The following ANK3 variants were observed in gnomAD, a reference collection of about 807,000 sequenced individuals.
ANK3 encodes the protein ankyrin-3.
ANK3 carries 57 observed loss-of-function variants against 370.9 expected under a neutral mutation model. The observed-to-expected ratio is 0.15, with a 90% CI of 0.12 to 0.19. The LOEUF (loss-of-function observed/expected upper bound fraction) is 0.19. Among genes scored for constraint, ANK3 ranks in the 10% least tolerant of loss-of-function variants. The probability of loss-of-function intolerance (pLI) is 1.00; values close to 1 mark genes in which losing one functional copy is unlikely to be tolerated. For missense variants in ANK3, 4,439 were observed against 5,302.1 expected (o/e 0.84, Z 5.06); for synonymous variants, 1,929 against 1,946.3 (o/e 0.99, Z 0.23).
chr10:60,579,245 A>C (rs2077718586), intron 2 of ANK3, among the ~76,000 whole-genome samples: 1 of 149,984 alleles, frequency 6.7e-6, no homozygotes, highest in Admixed American at 6.7e-5. Flanking sequence ...GAATCGCTTG[A>C]ACCTGGGAGG....
chr10:60,425,774 G>C (rs1230943057), intron 2 of ANK3, among the ~76,000 whole-genome samples: 2 of 152,120 alleles, frequency 1.3e-5, no homozygotes, highest in Admixed American at 6.6e-5. Context: ...TAAAGGACTG[G>C]GTCTTGGGCT....
chr10:60,715,529 A>C (rs546550249), intron 1 of ANK3, among the ~76,000 whole-genome samples: 6 of 152,298 alleles, frequency 3.9e-5, no homozygotes, highest in African/African-American at 1.4e-4. Flanking sequence ...GGTGGGGAGA[A>C]TATACAAAGA....
chr10:60,487,698 C>T (rs1045039586), intron 2 of ANK3, among the ~76,000 whole-genome samples: 3 of 149,416 alleles, frequency 2.0e-5, no homozygotes, highest in Non-Finnish European at 4.4e-5. Flanking sequence ...TAAATTCCCC[C>T]AGATAATTCT....
At chr10:60,531,405 A>G (rs1021620911) in intron 2 of ANK3, among the ~76,000 whole-genome samples, 2 of 152,136 alleles carry the variant, frequency 1.3e-5, no homozygotes, top group African/African-American at 4.8e-5. Flanking sequence ...AAACATAAAT[A>G]TCTCTGGAAA....
At chr10:60,365,489 A>C (rs1045904015) in intron 1 of ANK3, among the ~76,000 whole-genome samples, 2 of 152,224 alleles carry the variant, frequency 1.3e-5, no homozygotes, top group Non-Finnish European at 2.9e-5. Flanking sequence ...GCATGACATT[A>C]TAAGCATTTA....
chr10:60,240,068 TATATATAC>T (rs2097408257), intron 7 of ANK3, among the ~76,000 whole-genome samples: 1 of 15,578 alleles, frequency 6.4e-5, no homozygotes, highest in Non-Finnish European at 1.8e-4. Context: ...CATATATACA[TATATATAC>T]ATATATACAC....
At chr10:60,655,587 TA>T (rs2078852331) in intron 1 of ANK3, among the ~76,000 whole-genome samples, 1 of 152,040 alleles carries the variant, frequency 6.6e-6, no homozygotes, top group Non-Finnish European at 1.5e-5. Flanking sequence ...TTTTTAAAAT[TA>T]AAAAGTTTAT....
intron 42 of ANK3, among the ~76,000 whole-genome samples, chr10:60,054,067 G>A (rs1159790344): frequency 6.6e-6 from 1 of 152,278 alleles, no homozygotes; most frequent in African/African-American, 2.4e-5. Context: ...ATTTTCAACC[G>A]TCTTTATGCC....
At chr10:60,588,215 C>T (rs1350420508) in intron 2 of ANK3, among the ~76,000 whole-genome samples, 1 of 144,712 alleles carries the variant, frequency 6.9e-6, no homozygotes, top group Non-Finnish European at 1.5e-5. Flanking sequence ...GATGGATTCT[C>T]ACTTTGTCAC....
chr10:60,100,039 T>C (rs1171872506), intron 28 of ANK3, among the ~76,000 whole-genome samples: 3 of 152,164 alleles, frequency 2.0e-5, no homozygotes, highest in Non-Finnish European at 4.4e-5. Flanking sequence ...TATATGCAAA[T>C]GCATTAAAAA....
chr10:60,565,068 A>T (rs540641640), intron 2 of ANK3, among the ~76,000 whole-genome samples: 18 of 152,190 alleles, frequency 1.2e-4, no homozygotes, highest in African/African-American at 4.3e-4. Context: ...CCATGGTCCA[A>T]TGGAACATAT....
chr10:60,722,737 A>T (rs1308294435), intron 1 of ANK3, among the ~76,000 whole-genome samples: 3 of 152,094 alleles, frequency 2.0e-5, no homozygotes, highest in African/African-American at 7.2e-5. Context: ...CCCCTTGGTG[A>T]TGAGTGAGAT....
rs143526455 is a variant in ANK3 at position 60,610,610 on chromosome 10, C to A, written c.96+4576G>T. Among the ~76,000 whole-genome samples the A allele has an allele frequency of 2.4e-3, 362 of 152,044 alleles. 2 individuals carry two copies. Among genetic ancestry groups the A allele is most frequent in the African/African-American group, 8.4e-3 (347 of 41,482 alleles). ...CTGCCAAAATCTTGAGTCTAATAAC[C>A]AACCCAAACTTGAAGAGATCACTGT... On this transcript the variant is annotated intron_variant, in intron 2 of 43. Transcript: ENST00000373827.
chr10:60,134,882 C>T (rs2094262178), intron 24 of ANK3, among the ~76,000 whole-genome samples: 1 of 152,218 alleles, frequency 6.6e-6, no homozygotes, highest in Non-Finnish European at 1.5e-5. Context: ...GTTATGAATA[C>T]ACTTTGCATG....
chr10:60,318,197 A>G (rs35204557), intron 1 of ANK3, among the ~76,000 whole-genome samples: 15,244 of 152,146 alleles, frequency 0.1, 986 homozygotes, highest in Non-Finnish European at 0.15. Flanking sequence ...TTATCAACCC[A>G]TCACCTAGTT....
In ANK3 at chr10:60,051,704, A is replaced by G. The variant is rs1343145885; in HGVS notation, c.13065+3954T>C. The G allele has an allele frequency of 1.1e-5, 3 of 269,008 alleles. No homozygotes were observed. In the Admixed American group the frequency reaches 2.5e-4, roughly 23 times the overall value. The allele number at this position is 269,008 out of a possible 1,614,324, so 16.7% of individuals were successfully genotyped here. A position where few individuals can be genotyped will look rare whatever the true frequency, so the allele number is the denominator to read the frequency against. On this transcript the variant is annotated intron_variant, in intron 42 of 43. Transcript: ENST00000280772. ...TTTTTGCCGACTAAAGAAAACCATG[A>G]TGTATATTTGTGAGAGTCTTAAAAA...
chr10:60,394,471 C>T (rs1277362976), upstream of ANK3, among the ~76,000 whole-genome samples: 3 of 152,054 alleles, frequency 2.0e-5, no homozygotes, highest in African/African-American at 4.8e-5. Context: ...CCTCTTTCCC[C>T]ATCTATCTGA....
intron 2 of ANK3, among the ~76,000 whole-genome samples, chr10:60,556,733 T>A (rs1018040933): frequency 6.6e-5 from 10 of 152,202 alleles, no homozygotes; most frequent in African/African-American, 2.4e-4. Flanking sequence ...TACAGAAATC[T>A]ATCAGAGGAG....
chr10:60,563,019 T>C (rs2077374813), intron 2 of ANK3, among the ~76,000 whole-genome samples: 1 of 152,208 alleles, frequency 6.6e-6, no homozygotes, highest in African/African-American at 2.4e-5. Flanking sequence ...TATTATAAAC[T>C]CATCAAATGA....
Sources: allele counts gnomAD v4.1 joint callset (sites outside exome capture counted in the v4.1 genomes callset), GRCh38; gene constraint gnomAD v4.1.1; transcripts MANE v1.5; gene names NCBI Gene and HGNC (gene_info 2026-07-23, HGNC 2026-07-21).